The following LEO1 variants were observed in gnomAD, a reference collection of about 807,000 sequenced individuals.
The protein encoded by LEO1 is RNA polymerase-associated protein LEO1.
In LEO1, 34 loss-of-function variants were observed where a neutral mutation model predicts 80.4. That is an observed-to-expected ratio of 0.42 (90% CI 0.32 to 0.56). LEO1 has a LOEUF of 0.56. Ranked by LOEUF, LEO1 falls within the 20% of genes least tolerant of loss-of-function variation. The pLI, the probability that LEO1 is intolerant of heterozygous loss-of-function variation, is 0.10. For synonymous variants in LEO1, 262 were observed against 274.9 expected (o/e 0.95, Z 0.46); for missense variants, 631 against 814.2 (o/e 0.77, Z 2.74).
At chr15:51,955,528 C>CGCAT (rs2056982460) in intron 6 of LEO1, among the ~76,000 whole-genome samples, 2 of 152,146 alleles carry the variant, frequency 1.3e-5, no homozygotes, top group Non-Finnish European at 2.9e-5. Context: ...GCATACTAAA[C>CGCAT]GCATGCAGTT....
chr15:51,951,641 A>G (rs1269600065), intron 9 of LEO1, among the ~76,000 whole-genome samples: 3 of 152,198 alleles, frequency 2.0e-5, no homozygotes, highest in African/African-American at 7.2e-5. Flanking sequence ...TGAAGAGAGA[A>G]CCTGAGCCCT....
chr15:51,963,705 C>T (rs890674497), intron 2 of LEO1, among the ~76,000 whole-genome samples: 2 of 151,192 alleles, frequency 1.3e-5, no homozygotes, highest in Non-Finnish European at 2.9e-5. Context: ...AGTTCGAGAC[C>T]GGCCAGGCCA....
Position 51,965,939 on chromosome 15 carries a change from T to G in LEO1, c.624A>C (p.Glu208Asp), listed in dbSNP as rs747693342. The part of the protein sequence containing the change: ...DDERQQLSEE[E>D]KANSDDERPV... Reference sequence around the variant, plus strand: ...GCCGTTCATCATCAGAATTAGCCTTTTCCTCCTCAGATAGCTGTTGTCTCT... The same window carrying G: ...GCCGTTCATCATCAGAATTAGCCTTGTCCTCCTCAGATAGCTGTTGTCTCT... The change falls in exon 2 of 12, where the codon GAA (glutamate) becomes GAC (aspartate). Residue 208 changes from glutamate to aspartate, a missense_variant. Physicochemically the swap from Glu to Asp is conservative, Grantham distance 45 (BLOSUM62 2). Around this residue, in one of 4 missense-constraint regions of LEO1, gnomAD observed 394 missense variants for 395.6 expected, o/e 1.00. Transcript: ENST00000299601. The G allele has an allele frequency of 7.4e-6, 12 of 1,613,992 alleles. No individual in the cohort carries two copies. In the East Asian group the frequency reaches 2.5e-4, roughly 33 times the overall value.
Position 51,949,999 on chromosome 15 carries a change from A to C in LEO1, c.1612-5T>G. The C allele has an allele frequency of 6.2e-7, 1 of 1,607,122 alleles. No individual in the cohort carries two copies. The highest frequency in any genetic ancestry group is 8.5e-7 in the Non-Finnish European group (1 of 1,177,696). ...CCTCAAACGTTCTTCTTCTTTCTGT[A>C]AAGAAGCAAATAACCTCTTTAACCT... is the stretch of plus-strand genomic sequence containing the variant. On this transcript the variant is annotated splice_region_variant and splice_polypyrimidine_tract_variant and intron_variant, in intron 9 of 11. Coordinates refer to ENST00000299601, the MANE Select transcript of LEO1 (RefSeq NM_138792.4).
In LEO1 at chr15:51,946,259, G is replaced by A. The variant is rs190488702; in HGVS notation, c.1896+1033C>T. 9.0e-3 allele frequency among the ~76,000 whole-genome samples: 1,364 copies of A among 152,058 alleles called. 25 individuals carry two copies. Among genetic ancestry groups the A allele is most frequent in the Non-Finnish European group, 8.6e-3 (583 of 67,982 alleles). On this transcript the variant is annotated intron_variant, in intron 11 of 11. Coordinates refer to ENST00000299601, the MANE Select transcript of LEO1 (RefSeq NM_138792.4). ...GGCTGGAGCACAATGGCGCGATCTC[G>A]GCTCACTGCAACTTCCACCTCCCAG...
chr15:51,939,002 T>C (rs912972392), intron 11 of LEO1, among the ~76,000 whole-genome samples: 5 of 152,042 alleles, frequency 3.3e-5, no homozygotes, highest in Admixed American at 2.6e-4. Context: ...CTGGCCAACA[T>C]GGCAAAACTC....
intron 1 of LEO1, among the ~76,000 whole-genome samples, chr15:51,967,460 G>A (rs775182437): frequency 1.1e-4 from 16 of 152,124 alleles, no homozygotes; most frequent in Non-Finnish European, 1.6e-4. Context: ...GTGACAAAGC[G>A]AGACTCTGTC....
chr15:51,963,897 C>CAA (rs1217618326), intron 2 of LEO1, among the ~76,000 whole-genome samples: 23,266 of 57,036 alleles, frequency 0.41, 4,991 homozygotes, highest in Non-Finnish European at 0.49. Flanking sequence ...GACTCTGTCT[C>CAA]AAAAAAAAAA....
chr15:51,943,924 C>T (rs531752227), intron 11 of LEO1, among the ~76,000 whole-genome samples: 2 of 151,768 alleles, frequency 1.3e-5, no homozygotes, highest in African/African-American at 2.4e-5. Context: ...ATCTGAAGAA[C>T]GGAGAAAACA....
chr15:51,961,887 C>T (rs558049900), intron 3 of LEO1, among the ~76,000 whole-genome samples: 2 of 151,802 alleles, frequency 1.3e-5, no homozygotes, highest in African/African-American at 2.4e-5. Flanking sequence ...ACAGACTGGG[C>T]GCAGTGATTC....
At chr15:51,956,828 AT>A (rs1024354756) in intron 6 of LEO1, among the ~76,000 whole-genome samples, 14 of 151,706 alleles carry the variant, frequency 9.2e-5, no homozygotes, top group East Asian at 3.9e-4. Context: ...ATATTTATAA[AT>A]TTTTTTTTGG....
At chr15:51,948,907 G>A (rs2056924065) in intron 10 of LEO1, among the ~76,000 whole-genome samples, 1 of 152,204 alleles carries the variant, frequency 6.6e-6, no homozygotes, top group African/African-American at 2.4e-5. Flanking sequence ...CAGATGTCTC[G>A]GAAGTCAGAT....
chr15:51,960,060 G>T lies in LEO1; in HGVS notation c.1015-16C>A, dbSNP rs761007805. 3.1e-6 allele frequency: 5 copies of T among 1,606,896 alleles called. No homozygotes were observed. In the South Asian group the frequency reaches 4.5e-5, roughly 14 times the overall value. ...CATTTTCATCCTAGTGAAAGAATCGGAAGTTTGGAGCTTGACAGGACCTTA... is the reference window on the plus strand; with the variant it reads ...CATTTTCATCCTAGTGAAAGAATCGTAAGTTTGGAGCTTGACAGGACCTTA... On this transcript the variant is annotated splice_polypyrimidine_tract_variant and intron_variant, in intron 4 of 11. Transcript: ENST00000299601.
intron 1 of LEO1, among the ~76,000 whole-genome samples, chr15:51,971,468 C>T (rs944968768): frequency 5.3e-5 from 8 of 152,230 alleles, no homozygotes; most frequent in South Asian, 2.1e-4. Flanking sequence ...CTCCCAGGAA[C>T]CGTCTGCTCC....
At chr15:51,951,398 C>T (rs929758584) in intron 9 of LEO1, among the ~76,000 whole-genome samples, 2 of 152,214 alleles carry the variant, frequency 1.3e-5, no homozygotes, top group Non-Finnish European at 2.9e-5. Context: ...TAGAATGTTA[C>T]AAATTGACCT....
At chr15:51,940,388 A>C (rs778764913) in intron 11 of LEO1, among the ~76,000 whole-genome samples, 1 of 148,634 alleles carries the variant, frequency 6.7e-6, no homozygotes. Flanking sequence ...GTGAAACCCC[A>C]TCTCTACTAA....
At chr15:51,942,863 A>T (rs59914328) in intron 11 of LEO1, among the ~76,000 whole-genome samples, 2 of 149,122 alleles carry the variant, frequency 1.3e-5, no homozygotes, top group African/African-American at 4.9e-5. Context: ...TGGAGGTTGC[A>T]GTGAGCCAAG....
At chr15:51,971,609 G>A (rs2057123841) in intron 1 of LEO1, 79 bp downstream of exon 1, 3 of 1,459,998 alleles carry the variant, frequency 2.1e-6, no homozygotes, top group South Asian at 1.1e-5. Flanking sequence ...TGCCCGCGGC[G>A]CTGGAGCCTC....
chr15:51,962,553 T>A, intron 2 of LEO1, 60 bp from the exon 3 acceptor site: 1 of 1,188,972 alleles, frequency 8.4e-7, no homozygotes, highest in Non-Finnish European at 1.2e-6. Context: ...TTTTGTGTTT[T>A]AAAAGCAATA....
Sources: allele counts gnomAD v4.1 joint callset (sites outside exome capture counted in the v4.1 genomes callset), GRCh38; gene constraint gnomAD v4.1.1; regional missense constraint gnomAD v4.1.1; transcripts MANE v1.5; gene names NCBI Gene and HGNC (gene_info 2026-07-23, HGNC 2026-07-21).